Variants in RASGRP1 observed in about 807,000 individuals in gnomAD.
RASGRP1 encodes RAS guanyl-releasing protein 1.
A neutral mutation model predicts 95.1 loss-of-function variants in RASGRP1; 37 were observed. The ratio of observed to expected loss-of-function variants is 0.39; its 90% confidence interval spans 0.30 to 0.51. The LOEUF is 0.51. RASGRP1 is among the 20% of genes least tolerant of loss of function. The probability of loss-of-function intolerance (pLI) is 0.80; values close to 1 mark genes in which losing one functional copy is unlikely to be tolerated. For missense variants in RASGRP1, 711 were observed against 965.4 expected (o/e 0.74, Z 3.49); for synonymous variants, 325 against 353.4 (o/e 0.92, Z 0.90).
At chr15:38,557,348 G>A (rs985777744) in intron 2 of RASGRP1, among the ~76,000 whole-genome samples, 152 of 152,256 alleles carry the variant, frequency 1.0e-3, no homozygotes, top group African/African-American at 3.6e-3. Context: ...GACACAGAGC[G>A]TCTTTTCTTT....
chr15:38,533,257 C>T (rs1892517714), intron 2 of RASGRP1, among the ~76,000 whole-genome samples: 1 of 152,070 alleles, frequency 6.6e-6, no homozygotes, highest in African/African-American at 2.4e-5. Context: ...GATCAGAAAA[C>T]CTAGGGGCAA....
chr15:38,516,374 G>C, intron 5 of RASGRP1, 24 bp from the exon 6 acceptor site: 1 of 1,598,862 alleles, frequency 6.3e-7, no homozygotes. Flanking sequence ...ATGTGAAAGG[G>C]AGAAGACAGG....
intron 2 of RASGRP1, among the ~76,000 whole-genome samples, chr15:38,536,705 G>A (rs1892661684): frequency 6.6e-6 from 1 of 152,212 alleles, no homozygotes; most frequent in African/African-American, 2.4e-5. Context: ...AACAGTGTAT[G>A]CTGACATAAA....
chr15:38,527,119 T>TC (rs1344885289), intron 2 of RASGRP1, among the ~76,000 whole-genome samples: 1 of 152,222 alleles, frequency 6.6e-6, no homozygotes, highest in Non-Finnish European at 1.5e-5. Context: ...GTAAAAAGAT[T>TC]CCCCTTGGAG....
At chr15:38,522,284 C>G (rs536872580) in intron 3 of RASGRP1, among the ~76,000 whole-genome samples, 1 of 152,174 alleles carries the variant, frequency 6.6e-6, no homozygotes, top group Non-Finnish European at 1.5e-5. Flanking sequence ...CCCTTGCAAT[C>G]TTTTATATTA....
chr15:38,549,739 A>G (rs74009829), intron 2 of RASGRP1, among the ~76,000 whole-genome samples: 10,276 of 151,372 alleles, frequency 0.068, 1,179 homozygotes, highest in African/African-American at 0.24. Context: ...TTCTAAGTAC[A>G]TCTCCATCCT....
chr15:38,554,675 C>G lies in RASGRP1; in HGVS notation c.220+5146G>C, dbSNP rs1222618415. Among the ~76,000 whole-genome samples the G allele has an allele frequency of 4.6e-5, 7 of 152,156 alleles. No homozygotes were observed. In the East Asian group the frequency reaches 1.3e-3, roughly 29 times the overall value. On this transcript the variant is annotated intron_variant, in intron 2 of 16. Coordinates refer to ENST00000310803, the MANE Select transcript of RASGRP1 (RefSeq NM_005739.4). ...CTCATCAAAGATGCAGCAAAGGCCT[C>G]CTTGGAATAAATAGTGTCCAGTCTT...
Position 38,509,805 on chromosome 15 carries a change from A to G in RASGRP1, c.966+1799T>C, listed in dbSNP as rs1891426638. On this transcript the variant is annotated intron_variant, in intron 8 of 16. Transcript: ENST00000310803. ...TTTTTTGGACTGCAGTTGACCTCAGATAACTGAAACTACAGGAGACAAAAC... is the reference window on the plus strand; with the variant it reads ...TTTTTTGGACTGCAGTTGACCTCAGGTAACTGAAACTACAGGAGACAAAAC... Among the ~76,000 whole-genome samples, 3 of 152,206 alleles carry G rather than the reference A, an allele frequency of 2.0e-5. No individual in the cohort carries two copies. The South Asian group carries it at 6.2e-4, about 31-fold the overall frequency.
chr15:38,518,163 T>C (rs948832592), intron 5 of RASGRP1, 129 bp downstream of exon 5: 2 of 866,934 alleles, frequency 2.3e-6, no homozygotes, highest in Non-Finnish European at 1.8e-6. Context: ...CCTGTGTATT[T>C]GAGGGGCTTC....
chr15:38,538,295 T>C (rs1892740003), intron 2 of RASGRP1, among the ~76,000 whole-genome samples: 1 of 152,126 alleles, frequency 6.6e-6, no homozygotes, highest in African/African-American at 2.4e-5. Flanking sequence ...AAGAATGTGC[T>C]TCAGAACATC....
chr15:38,507,723 C>T lies in RASGRP1; in HGVS notation c.1242+3G>A. ...AGTAATTGTCCTCCAGTGTGAGCCT[C>T]ACCGTCAGCAAGTGTACCAAGTCCT... On this transcript the variant is annotated splice_donor_region_variant and intron_variant, in intron 9 of 16. Coordinates refer to ENST00000310803, the MANE Select transcript of RASGRP1 (RefSeq NM_005739.4). The T allele has an allele frequency of 1.3e-6, 2 of 1,557,562 alleles. No individual in the cohort carries two copies. Among genetic ancestry groups the T allele is most frequent in the Non-Finnish European group, 1.7e-6 (2 of 1,149,904 alleles).
At chr15:38,524,948 A>AT (rs1481267084) in intron 3 of RASGRP1, among the ~76,000 whole-genome samples, 2 of 146,558 alleles carry the variant, frequency 1.4e-5, no homozygotes, top group Non-Finnish European at 3.0e-5. Context: ...AAGGGCAGGA[A>AT]CCCCGAGGTA....
At chr15:38,512,634 G>C (rs1891581492) in intron 7 of RASGRP1, 149 bp downstream of exon 7, 2 of 917,152 alleles carry the variant, frequency 2.2e-6, no homozygotes, top group South Asian at 1.7e-5. Flanking sequence ...ACCATATCTA[G>C]ATCTGGTTGA....
intron 2 of RASGRP1, among the ~76,000 whole-genome samples, chr15:38,555,694 C>T (rs1893528866): frequency 6.6e-6 from 1 of 152,066 alleles, no homozygotes; most frequent in Non-Finnish European, 1.5e-5. Context: ...CAGAGCTGTT[C>T]TCAGTATAAA....
intron 2 of RASGRP1, among the ~76,000 whole-genome samples, chr15:38,551,429 T>C (rs1305689479): frequency 8.5e-5 from 13 of 152,100 alleles, no homozygotes; most frequent in African/African-American, 3.1e-4. Flanking sequence ...TTTAAGGAAA[T>C]GACAATCTCA....
intron 15 of RASGRP1, among the ~76,000 whole-genome samples, chr15:38,498,106 A>T (rs1361504773): frequency 6.6e-6 from 1 of 152,190 alleles, no homozygotes; most frequent in African/African-American, 2.4e-5. Context: ...GTCTGTGGCT[A>T]AGTCTGCTTC....
intron 16 of RASGRP1, among the ~76,000 whole-genome samples, chr15:38,493,008 G>A (rs1488231331): frequency 6.6e-6 from 1 of 151,432 alleles, no homozygotes; most frequent in Non-Finnish European, 1.5e-5. Flanking sequence ...AGCCTCCCAA[G>A]TAGCTGGGAC....
rs889992095 is a variant in RASGRP1 at position 38,519,434 on chromosome 15, T to C, written c.327-63A>G. The C allele has an allele frequency of 1.1e-3, 1,389 of 1,216,894 alleles. 16 individuals are homozygous for C. Among genetic ancestry groups the C allele is most frequent in the East Asian group, 1.4e-3 (61 of 42,266 alleles). 75.4% of individuals were successfully genotyped at this position (1,216,894 alleles called of 1,614,324 possible). ...CAGAAACCAAACGACTTTTCATCTT[T>C]GGAAGTATTTGCTGAAACTACCTCC... On this transcript the variant is annotated intron_variant, in intron 3 of 16. Transcript: ENST00000310803.
intron 16 of RASGRP1, 138 bp downstream of exon 16, chr15:38,494,242 CCT>C (rs1209373171): frequency 1.3e-5 from 14 of 1,109,168 alleles, no homozygotes; most frequent in Admixed American, 8.0e-5. Flanking sequence ...TTTCTCCCTC[CCT>C]GTTTCTCCCC....
Sources: allele counts gnomAD v4.1 joint callset (sites outside exome capture counted in the v4.1 genomes callset), GRCh38; gene constraint gnomAD v4.1.1; transcripts MANE v1.5; gene names NCBI Gene and HGNC (gene_info 2026-07-23, HGNC 2026-07-21).